PHACTR1: variants seen among roughly 807,000 people sequenced by gnomAD.
PHACTR1 encodes the protein RPEL repeat containing 1.
PHACTR1 carries 16 observed loss-of-function variants against 69.2 expected under a neutral mutation model. The observed-to-expected ratio is 0.23, with a 90% confidence interval of 0.16 to 0.35. PHACTR1 has a LOEUF of 0.35. PHACTR1 is among the 10% of genes least tolerant of loss of function. PHACTR1 has a pLI of 1.00. For synonymous variants in PHACTR1, 312 were observed against 284.5 expected (o/e 1.10, Z -0.97); for missense variants, 510 against 734.7 (o/e 0.69, Z 3.54).
chr6:12,886,197 G>A (rs1783619256), intron 4 of PHACTR1, among the ~76,000 whole-genome samples: 1 of 151,780 alleles, frequency 6.6e-6, no homozygotes, highest in South Asian at 2.1e-4. Flanking sequence ...TTGTTGCCTT[G>A]TTATGAATGA....
At chr6:12,876,965 A>G (rs1782580824) in intron 4 of PHACTR1, among the ~76,000 whole-genome samples, 1 of 152,206 alleles carries the variant, frequency 6.6e-6, no homozygotes, top group Admixed American at 6.5e-5. Context: ...GCAGTTGTGC[A>G]GGAAATAAAG....
chr6:13,205,150 A>AGG (rs938823935), intron 7 of PHACTR1, among the ~76,000 whole-genome samples: 2 of 152,186 alleles, frequency 1.3e-5, no homozygotes, highest in African/African-American at 4.8e-5. Context: ...GGAAAGCAGA[A>AGG]GGGGAGCTGG....
chr6:12,943,024 C>A (rs753306656), intron 4 of PHACTR1, among the ~76,000 whole-genome samples: 1 of 152,114 alleles, frequency 6.6e-6, no homozygotes, highest in Non-Finnish European at 1.5e-5. Context: ...GACAGATATC[C>A]TAAAGAATTA....
At chr6:13,078,706 C>A (rs1434319977) in intron 5 of PHACTR1, among the ~76,000 whole-genome samples, 1 of 152,188 alleles carries the variant, frequency 6.6e-6, no homozygotes, top group Non-Finnish European at 1.5e-5. Context: ...TGATTAGCAT[C>A]CTCCTGGTTT....
intron 6 of PHACTR1, among the ~76,000 whole-genome samples, chr6:13,166,025 ACT>A (rs979851696): frequency 6.6e-6 from 1 of 151,758 alleles, no homozygotes; most frequent in African/African-American, 2.4e-5. Context: ...TTTCGTTTTC[ACT>A]CTCTTCATCC....
rs58555118 is a variant in PHACTR1 at position 13,073,225 on chromosome 6, C to CA, written c.415+19706dup. On this transcript the variant is annotated intron_variant, in intron 5 of 14. Coordinates refer to ENST00000332995, the MANE Select transcript of PHACTR1 (RefSeq NM_030948.6). ...AAATGGTATCTGATAACAGGATTAA[C>CA]AAAAAAAAAAGAAAATACTTGAGGA... Among the ~76,000 whole-genome samples the CA allele has an allele frequency of 1.4e-3, 169 of 119,690 alleles. 2 individuals are homozygous for CA. The highest frequency in any genetic ancestry group is 9.7e-3 in the Middle Eastern group (2 of 206). 78.5% of individuals were successfully genotyped at this position (119,690 alleles called of 152,430 possible).
chr6:13,238,799 T>C (rs1463897774), intron 10 of PHACTR1, among the ~76,000 whole-genome samples: 1 of 152,166 alleles, frequency 6.6e-6, no homozygotes, highest in Non-Finnish European at 1.5e-5. Context: ...AGGTAATTTC[T>C]TCTGCTGCAG....
intron 4 of PHACTR1, among the ~76,000 whole-genome samples, chr6:13,044,377 G>C (rs1378027717): frequency 6.6e-6 from 1 of 152,212 alleles, no homozygotes; most frequent in African/African-American, 2.4e-5. Context: ...ATTAGGCTTA[G>C]AGCCTATGTA....
intron 4 of PHACTR1, among the ~76,000 whole-genome samples, chr6:12,806,033 G>C (rs962303246): frequency 3.9e-5 from 6 of 151,966 alleles, no homozygotes; most frequent in African/African-American, 1.5e-4. Context: ...CAATTTTATG[G>C]TCTCCTACCC....
intron 4 of PHACTR1, among the ~76,000 whole-genome samples, chr6:13,026,084 A>G (rs1161818003): frequency 1.3e-5 from 2 of 152,250 alleles, no homozygotes; most frequent in Non-Finnish European, 2.9e-5. Context: ...CAAATACATA[A>G]TTAGCCATAA....
intron 4 of PHACTR1, among the ~76,000 whole-genome samples, chr6:12,809,735 A>G (rs1247983295): frequency 6.6e-6 from 1 of 152,202 alleles, no homozygotes; most frequent in South Asian, 2.1e-4. Context: ...AGTAAGCTCT[A>G]TAGTTCAGTT....
chr6:13,047,903 C>T (rs549218605), intron 4 of PHACTR1, among the ~76,000 whole-genome samples: 9 of 152,246 alleles, frequency 5.9e-5, no homozygotes, highest in Middle Eastern at 3.4e-3. Context: ...CAGCTCCTCC[C>T]GCTGCATGCC....
intron 5 of PHACTR1, among the ~76,000 whole-genome samples, chr6:13,118,173 G>T (rs1313188056): frequency 1.3e-5 from 2 of 152,168 alleles, no homozygotes; most frequent in East Asian, 3.8e-4. Context: ...TGGGTCTTCT[G>T]CTTCCTCCAC....
intron 4 of PHACTR1, chr6:12,957,285 G>A: frequency 1.5e-6 from 1 of 658,714 alleles, no homozygotes; most frequent in Non-Finnish European, 1.9e-6. Flanking sequence ...AGCCCAGGCT[G>A]TGAGTTCCAG....
rs5874379 is a variant in PHACTR1, at chr6:12,788,162, T to TA, written c.250+38387dup. ...GACAGAATGAGACTCAATCTCAAATTAAAAAAAAAAAAAAACACCTCAACA... is the reference window on the plus strand; with the variant it reads ...GACAGAATGAGACTCAATCTCAAATTAAAAAAAAAAAAAAAACACCTCAACA... On this transcript the variant is annotated intron_variant, in intron 4 of 14. Coordinates refer to ENST00000332995, the MANE Select transcript of PHACTR1 (RefSeq NM_030948.6). Among the ~76,000 whole-genome samples, 367 of 138,738 alleles carry TA rather than the reference T, an allele frequency of 2.6e-3. 1 individual carries two copies. The highest frequency in any genetic ancestry group is 0.013 in the South Asian group (55 of 4,246). 91.0% of individuals were successfully genotyped at this position (138,738 alleles called of 152,430 possible).
At chr6:13,229,189 G>C (rs1443373226) in intron 9 of PHACTR1, among the ~76,000 whole-genome samples, 3 of 152,192 alleles carry the variant, frequency 2.0e-5, no homozygotes, top group Non-Finnish European at 4.4e-5. Context: ...CGGCATTTGG[G>C]ACCAGATAAT....
Position 13,287,812 on chromosome 6 carries a change from C to T in PHACTR1, c.*734C>T, listed in dbSNP as rs1287819637. ...TAGAAGGGGAAAGATGTCATATGCT[C>T]AGTTCAAATAATCAACCCAACTGTG... is the stretch of plus-strand genomic sequence containing the variant. On this transcript the variant is annotated 3_prime_UTR_variant, in exon 15 of 15. Transcript: ENST00000332995. The T allele has an allele frequency of 6.5e-6, 1 of 153,818 alleles. No homozygotes were observed. Among genetic ancestry groups the T allele is most frequent in the Non-Finnish European group, 1.4e-5 (1 of 69,210 alleles). 9.5% of individuals were successfully genotyped at this position (153,818 alleles called of 1,614,324 possible). A position where few individuals can be genotyped will look rare whatever the true frequency, so the allele number is the denominator to read the frequency against.
intron 4 of PHACTR1, among the ~76,000 whole-genome samples, chr6:12,902,508 C>T (rs1785312151): frequency 6.6e-6 from 1 of 152,096 alleles, no homozygotes; most frequent in South Asian, 2.1e-4. Flanking sequence ...ATTGGATGAA[C>T]TTCTAGGTTC....
chr6:13,232,208 A>G (rs1019953146), intron 10 of PHACTR1, among the ~76,000 whole-genome samples: 1 of 152,214 alleles, frequency 6.6e-6, no homozygotes, highest in African/African-American at 2.4e-5. Context: ...TGCATTGTAC[A>G]AGTGAGAAAG....
Sources: gnomAD v4.1 joint callset for allele counts (sites outside exome capture counted in the v4.1 genomes callset) on GRCh38, gnomAD v4.1.1 for gene constraint, MANE v1.5 for transcripts, NCBI Gene and HGNC (gene_info 2026-07-23, HGNC 2026-07-21) for gene names.